CRACD: variants seen among roughly 807,000 people sequenced by gnomAD.
CRACD encodes capping protein-inhibiting regulator of actin dynamics.
CRACD carries 56 observed loss-of-function variants against 106.8 expected under a neutral mutation model. The observed-to-expected ratio is 0.52, with a 90% CI of 0.42 to 0.66. The LOEUF is 0.66. Among genes scored for constraint, CRACD ranks in the 30% least tolerant of loss-of-function variants. CRACD has a pLI of 0.00. For synonymous variants in CRACD, 754 were observed against 670.8 expected (o/e 1.12, Z -1.92); for missense variants, 1,730 against 1,623.2 (o/e 1.07, Z -1.13).
intron 4 of CRACD, among the ~76,000 whole-genome samples, chr4:56,305,463 T>C (rs1391548515): frequency 6.6e-6 from 1 of 152,176 alleles, no homozygotes; most frequent in Non-Finnish European, 1.5e-5. Context: ...ACCTTGTTAT[T>C]CCATGTCCTC....
At chr4:56,054,644 CTAAAG>C (rs1187375212) in intron 1 of CRACD, among the ~76,000 whole-genome samples, 1 of 152,126 alleles carries the variant, frequency 6.6e-6, no homozygotes, top group Non-Finnish European at 1.5e-5. Flanking sequence ...AAACTCTTCT[CTAAAG>C]TAAAGAAATA....
intron 2 of CRACD, among the ~76,000 whole-genome samples, chr4:56,185,912 G>A (rs896032803): frequency 6.6e-6 from 1 of 152,182 alleles, no homozygotes; most frequent in Non-Finnish European, 1.5e-5. Context: ...TCTCCCAAGG[G>A]AGTTAAATGA....
At chr4:56,194,026 A>G (rs528364130) in intron 2 of CRACD, among the ~76,000 whole-genome samples, 3 of 152,364 alleles carry the variant, frequency 2.0e-5, no homozygotes, top group Non-Finnish European at 4.4e-5. Context: ...AGGTAGGCAT[A>G]AAATGCTTAG....
intron 1 of CRACD, among the ~76,000 whole-genome samples, chr4:56,099,633 G>A (rs1288189490): frequency 6.6e-6 from 1 of 152,154 alleles, no homozygotes; most frequent in Non-Finnish European, 1.5e-5. Context: ...AGGAGGCTCT[G>A]TGTGGGTTAG....
At chr4:56,138,997 C>G (rs1735103992) in intron 1 of CRACD, among the ~76,000 whole-genome samples, 2 of 152,078 alleles carry the variant, frequency 1.3e-5, no homozygotes, top group Admixed American at 6.6e-5. Context: ...TATCATAATT[C>G]TTCTTATGAA....
chr4:56,057,964 G>T (rs779285397), intron 1 of CRACD, among the ~76,000 whole-genome samples: 1 of 120,596 alleles, frequency 8.3e-6, no homozygotes. Flanking sequence ...GACTACAGGC[G>T]CCCGCTACCA....
intron 1 of CRACD, among the ~76,000 whole-genome samples, chr4:56,092,956 A>G (rs573565448): frequency 6.6e-6 from 1 of 152,172 alleles, no homozygotes; most frequent in Non-Finnish European, 1.5e-5. Context: ...TTAAAATTAC[A>G]TATGTTGCTC....
chr4:56,086,066 A>T (rs1733209549), intron 1 of CRACD, among the ~76,000 whole-genome samples: 1 of 152,124 alleles, frequency 6.6e-6, no homozygotes, highest in Non-Finnish European at 1.5e-5. Context: ...AAGCAAACAG[A>T]TGAGAGGAAT....
intron 1 of CRACD, among the ~76,000 whole-genome samples, chr4:56,100,610 A>G (rs1378082813): frequency 6.6e-6 from 1 of 152,228 alleles, no homozygotes; most frequent in Non-Finnish European, 1.5e-5. Flanking sequence ...AGGTCTTTAC[A>G]GAGGTAATTA....
intron 1 of CRACD, among the ~76,000 whole-genome samples, chr4:56,151,309 G>A (rs758694373): frequency 6.6e-6 from 1 of 152,040 alleles, no homozygotes; most frequent in Non-Finnish European, 1.5e-5. Flanking sequence ...GGGTATGAGG[G>A]TTTTCATATC....
chr4:56,196,545 C>T lies in CRACD; in HGVS notation c.-189+17115C>T, dbSNP rs529377568. 2.6e-5 allele frequency: 4 copies of T among 152,660 alleles called. No homozygotes were observed. The South Asian group carries it at 8.3e-4, about 32-fold the overall frequency. 9.5% of individuals were successfully genotyped at this position (152,660 alleles called of 1,614,324 possible). ...TACCAATAGATAAATTGTACAATAA[C>T]CTCATCTGTCTAGGACACATCAAAG... is the stretch of plus-strand genomic sequence containing the variant. On this transcript the variant is annotated intron_variant, in intron 2 of 10. Coordinates refer to ENST00000682029, the MANE Select transcript of CRACD (RefSeq NM_001393381.1).
In CRACD at chr4:56,314,917, A is replaced by G. The variant is rs1422363623; in HGVS notation, c.1415A>G (p.Gln472Arg). Residue 472 changes from glutamine to arginine, a missense_variant, in exon 8 of 11, where the codon CAG (glutamine) becomes CGG (arginine). By Grantham distance (43) the Gln-to-Arg change is conservative. This residue lies in a region of CRACD where 1,620 missense variants were observed against 1,481.6 expected (regional missense o/e 1.09). Transcript: ENST00000682029. This position sits in a 1 kb window ranked among gnomAD's most constrained non-coding sequence, Gnocchi z 4.4. Reference protein sequence around the residue: ...REQQGRSGDFQGADRPGPEEK... With the variant: ...REQQGRSGDFRGADRPGPEEK... ...CAGCAGGGAAGGAGCGGGGATTTCC[A>G]GGGGGCCGATCGTCCTGGGCCCGAG... 6.2e-7 allele frequency: 1 copy of G among 1,605,734 alleles called. No individual in the cohort carries two copies.
intron 2 of CRACD, among the ~76,000 whole-genome samples, chr4:56,199,950 T>C (rs1411590320): frequency 6.6e-6 from 1 of 152,088 alleles, no homozygotes; most frequent in Non-Finnish European, 1.5e-5. Context: ...TATTCTTTTG[T>C]TGCCATTTAG....
intron 1 of CRACD, among the ~76,000 whole-genome samples, chr4:56,081,419 C>G (rs1030694481): frequency 1.3e-5 from 2 of 151,920 alleles, no homozygotes; most frequent in African/African-American, 4.8e-5. Flanking sequence ...CTAGGAGGTA[C>G]GTATTTAATA....
chr4:56,318,877 A>G (rs1323069664), intron 8 of CRACD, among the ~76,000 whole-genome samples: 1 of 152,244 alleles, frequency 6.6e-6, no homozygotes, highest in African/African-American at 2.4e-5. Context: ...AGCACCAGCT[A>G]TACTTACACT....
intron 2 of CRACD, among the ~76,000 whole-genome samples, chr4:56,214,369 C>A (rs1256220534): frequency 6.6e-6 from 1 of 152,004 alleles, no homozygotes; most frequent in Non-Finnish European, 1.5e-5. Flanking sequence ...CCAAGGTGGG[C>A]AGATCATGAG....
intron 1 of CRACD, among the ~76,000 whole-genome samples, chr4:56,074,201 G>GT (rs1445093062): frequency 6.6e-6 from 1 of 152,106 alleles, no homozygotes; most frequent in East Asian, 1.9e-4. Flanking sequence ...ATTTAAAGTA[G>GT]TTTTTTTCTA....
chr4:56,063,602 C>T lies in CRACD; in HGVS notation c.-336+14303C>T, dbSNP rs1392868949. ...CTATTTTCAGTCTCTGTGAATTTGCCTATTGTATAACTGGGATCTCATGTA... is the reference window on the plus strand; with the variant it reads ...CTATTTTCAGTCTCTGTGAATTTGCTTATTGTATAACTGGGATCTCATGTA... On this transcript the variant is annotated intron_variant, in intron 1 of 10. Transcript: ENST00000682029. 2.0e-5 allele frequency among the ~76,000 whole-genome samples: 3 copies of T among 152,046 alleles called. No individual in the cohort carries two copies. The East Asian group carries it at 5.8e-4, about 29-fold the overall frequency.
chr4:56,071,338 A>G (rs188413095), intron 1 of CRACD, among the ~76,000 whole-genome samples: 88 of 152,162 alleles, frequency 5.8e-4, no homozygotes, highest in African/African-American at 2.0e-3. Flanking sequence ...AAAAGCATCA[A>G]TTTCCTGTGG....
Sources: allele counts gnomAD v4.1 joint callset (sites outside exome capture counted in the v4.1 genomes callset), GRCh38; gene constraint gnomAD v4.1.1; regional missense constraint gnomAD v4.1.1; non-coding constraint Gnocchi (gnomAD v3.1); transcripts MANE v1.5; gene names NCBI Gene and HGNC (gene_info 2026-07-23, HGNC 2026-07-21).